The following CACNA1E variants were observed in gnomAD, a reference collection of about 807,000 sequenced individuals.
CACNA1E encodes voltage-dependent R-type calcium channel subunit alpha-1E.
A neutral mutation model predicts 259.2 loss-of-function variants in CACNA1E; 40 were observed. The ratio of observed to expected loss-of-function variants is 0.15; its 90% CI spans 0.12 to 0.20. CACNA1E has a LOEUF of 0.20. CACNA1E is among the 10% of genes least tolerant of loss of function. CACNA1E has a pLI of 1.00. For missense variants in CACNA1E, 1,874 were observed against 3,040.1 expected, an observed-to-expected ratio of 0.62 and a Z score of 9.02; for synonymous variants, 1,104 against 1,138.5, an observed-to-expected ratio of 0.97 and a Z score of 0.61.
At chr1:181,377,959 A>C (rs961314706) in intron 1 of CACNA1E, among the ~76,000 whole-genome samples, 1 of 152,240 alleles carries the variant, frequency 6.6e-6, no homozygotes, top group Non-Finnish European at 1.5e-5. Context: ...CAACATATAG[A>C]CATAAATAAA....
chr1:181,391,111 A>G (rs1656239441), intron 1 of CACNA1E, among the ~76,000 whole-genome samples: 1 of 152,180 alleles, frequency 6.6e-6, no homozygotes, highest in South Asian at 2.1e-4. Flanking sequence ...AACGCTCTCA[A>G]TTTTACTCTT....
chr1:181,567,950 T>TAC (rs1289381862), intron 3 of CACNA1E, among the ~76,000 whole-genome samples: 6 of 151,906 alleles, frequency 3.9e-5, no homozygotes, highest in Admixed American at 2.6e-4. Context: ...TATATATATA[T>TAC]ACACACATAT....
chr1:181,554,616 C>T (rs1249874889), intron 3 of CACNA1E, among the ~76,000 whole-genome samples: 1 of 152,182 alleles, frequency 6.6e-6, no homozygotes, highest in Non-Finnish European at 1.5e-5. Context: ...TTTGCTGAGT[C>T]CCAGCCTGTG....
At chr1:181,351,511 T>C (rs1281046488) in intron 1 of CACNA1E, among the ~76,000 whole-genome samples, 1 of 152,194 alleles carries the variant, frequency 6.6e-6, no homozygotes, top group African/African-American at 2.4e-5. Context: ...ACAAACTTCA[T>C]GGCTGACAGC....
chr1:181,536,310 A>G (rs966842241), intron 3 of CACNA1E, among the ~76,000 whole-genome samples: 3 of 151,552 alleles, frequency 2.0e-5, no homozygotes, highest in African/African-American at 7.3e-5. Context: ...TTTTCTTTAT[A>G]TTTTTCATCT....
chr1:181,627,941 G>A (rs1354474065), intron 6 of CACNA1E, among the ~76,000 whole-genome samples: 1 of 152,058 alleles, frequency 6.6e-6, no homozygotes, highest in Non-Finnish European at 1.5e-5. Context: ...TGTGAAATTG[G>A]CATTTGAGAT....
chr1:181,439,337 T>C (rs546380710), intron 2 of CACNA1E, among the ~76,000 whole-genome samples: 1 of 152,148 alleles, frequency 6.6e-6, no homozygotes, highest in East Asian at 1.9e-4. Flanking sequence ...ATTTAGATTT[T>C]TTTTTTTTTT....
chr1:181,405,301 T>C (rs1461890752), intron 1 of CACNA1E, among the ~76,000 whole-genome samples: 10 of 152,182 alleles, frequency 6.6e-5, no homozygotes, highest in Admixed American at 6.5e-4. Flanking sequence ...AAGAGGCTAT[T>C]GGAGAAGATT....
intron 2 of CACNA1E, among the ~76,000 whole-genome samples, chr1:181,433,818 T>C (rs1168983826): frequency 6.6e-6 from 1 of 152,250 alleles, no homozygotes; most frequent in Non-Finnish European, 1.5e-5. Context: ...TGCTAATGGC[T>C]GAGGTTCAGG....
chr1:181,643,203 C>A (rs570276652), intron 6 of CACNA1E, among the ~76,000 whole-genome samples: 37 of 152,208 alleles, frequency 2.4e-4, no homozygotes, highest in African/African-American at 8.7e-4. Flanking sequence ...CCTATGTAAC[C>A]CACATCAGCC....
At chr1:181,383,313 C>A (rs1378803860) in intron 1 of CACNA1E, among the ~76,000 whole-genome samples, 1 of 152,218 alleles carries the variant, frequency 6.6e-6, no homozygotes, top group African/African-American at 2.4e-5. Context: ...TAATTGAACT[C>A]ATTCAAGGTC....
chr1:181,448,073 C>A (rs545714846), intron 2 of CACNA1E, among the ~76,000 whole-genome samples: 1 of 152,174 alleles, frequency 6.6e-6, no homozygotes, highest in African/African-American at 2.4e-5. Flanking sequence ...AGCTGATTAG[C>A]GACCTCAATG....
Position 181,584,848 on chromosome 1 carries a change from T to A in CACNA1E, c.951+4072T>A, listed in dbSNP as rs145444515. 4.6e-3 allele frequency among the ~76,000 whole-genome samples: 705 copies of A among 152,316 alleles called. 6 individuals are homozygous for A. The highest frequency in any genetic ancestry group is 0.015 in the African/African-American group (643 of 41,558). ...AATAGGTGGCAGGAGTCTATGATTA[T>A]CTTATGGTGCTAGAGTGATAAGATG... On this transcript the variant is annotated intron_variant, in intron 6 of 47. Coordinates refer to ENST00000367573, the MANE Select transcript of CACNA1E (RefSeq NM_001205293.3).
chr1:181,434,015 C>A (rs912983047), intron 2 of CACNA1E, among the ~76,000 whole-genome samples: 1 of 152,190 alleles, frequency 6.6e-6, no homozygotes, highest in African/African-American at 2.4e-5. Context: ...GTTTGCATTT[C>A]CACGCTCATT....
intron 35 of CACNA1E, among the ~76,000 whole-genome samples, chr1:181,768,341 G>C (rs947560179): frequency 6.6e-6 from 1 of 152,216 alleles, no homozygotes; most frequent in African/African-American, 2.4e-5. Context: ...GAAAGGAAGA[G>C]AGAGTGAGCA....
At chr1:181,587,865 A>T (rs1355042405) in intron 6 of CACNA1E, among the ~76,000 whole-genome samples, 1 of 152,216 alleles carries the variant, frequency 6.6e-6, no homozygotes, top group African/African-American at 2.4e-5. Context: ...CCTGGGTGAA[A>T]GAGCGAGACT....
chr1:181,659,316 GT>G (rs1302414117), intron 7 of CACNA1E, among the ~76,000 whole-genome samples: 1 of 152,164 alleles, frequency 6.6e-6, no homozygotes, highest in Non-Finnish European at 1.5e-5. Context: ...TGTGAGGCAT[GT>G]TTGTCGGCTC....
intron 7 of CACNA1E, among the ~76,000 whole-genome samples, chr1:181,653,529 T>C (rs1023339906): frequency 8.5e-5 from 13 of 152,236 alleles, no homozygotes; most frequent in Non-Finnish European, 1.3e-4. Context: ...CGTATGTCTT[T>C]ATTAGCAGCA....
At chr1:181,510,644 G>C (rs1301028575) in intron 2 of CACNA1E, 62 bp downstream of exon 2, 5 of 1,032,468 alleles carry the variant, frequency 4.8e-6, no homozygotes, top group Non-Finnish European at 7.6e-6. Flanking sequence ...CTTCTCCTCT[G>C]CTTTATCACT....
Sources: allele counts gnomAD v4.1 joint callset (sites outside exome capture counted in the v4.1 genomes callset), GRCh38; gene constraint gnomAD v4.1.1; transcripts MANE v1.5; gene names NCBI Gene and HGNC (gene_info 2026-07-23, HGNC 2026-07-21).